RAPH1: variants seen among roughly 807,000 people sequenced by gnomAD.
RAPH1 encodes the protein ras-associated and pleckstrin homology domains-containing protein 1.
In RAPH1, 18 loss-of-function variants were observed where a neutral mutation model predicts 88.1. The ratio of observed to expected loss-of-function variants is 0.20; its 90% CI spans 0.14 to 0.30. The LOEUF (loss-of-function observed/expected upper bound fraction) is 0.30, where lower values mean the gene tolerates loss of function less well. RAPH1 is among the 10% of genes least tolerant of loss of function. The probability of loss-of-function intolerance (pLI) is 1.00; values close to 1 mark genes in which losing one functional copy is unlikely to be tolerated. For synonymous variants in RAPH1, 587 were observed against 559.0 expected (o/e 1.05, Z -0.71); for missense variants, 1,448 against 1,543.2 (o/e 0.94, Z 1.03).
At chr2:203,453,078 A>G (rs1416680603) in intron 10 of RAPH1, among the ~76,000 whole-genome samples, 2 of 152,248 alleles carry the variant, frequency 1.3e-5, no homozygotes, top group Admixed American at 1.3e-4. Flanking sequence ...TCTTAGCATT[A>G]TTAAATAATT....
chr2:203,492,253 A>T (rs1688301502), intron 2 of RAPH1, among the ~76,000 whole-genome samples: 1 of 151,910 alleles, frequency 6.6e-6, no homozygotes, highest in Admixed American at 6.6e-5. Context: ...AAAAAAAGAA[A>T]CCGCACAGAG....
intron 4 of RAPH1, among the ~76,000 whole-genome samples, chr2:203,477,355 AC>A (rs925204255): frequency 1.3e-4 from 20 of 152,332 alleles, no homozygotes; most frequent in African/African-American, 4.6e-4. Flanking sequence ...GATGATCCTA[AC>A]CCTTGATAAT....
At chr2:203,455,390 G>T (rs748394290) in intron 9 of RAPH1, 47 bp downstream of exon 9, 3 of 1,575,512 alleles carry the variant, frequency 1.9e-6, no homozygotes, top group South Asian at 2.4e-5. Flanking sequence ...CAAATTAAAA[G>T]CAATTAGCAT....
chr2:203,489,636 A>T lies in RAPH1; in HGVS notation c.680T>A (p.Val227Glu). ...SSMDSLDIDKVTRPQELDLTH... is the reference protein window; with the variant it reads ...SSMDSLDIDKETRPQELDLTH... ...CAAATCCAGCTCTTGAGGGCGTGTT[A>T]CTTTATCAATATCCAAAGAGTCCAT... is the stretch of plus-strand genomic sequence containing the variant. Residue 227 changes from valine to glutamate, a missense_variant, in exon 4 of 14, where the codon GTA becomes GAA. Transcript: ENST00000319170. 1 of 1,612,828 alleles carries T rather than the reference A, an allele frequency of 6.2e-7. No individual in the cohort carries two copies. Among genetic ancestry groups the T allele is most frequent in the Non-Finnish European group, 8.5e-7 (1 of 1,179,196 alleles).
rs568649211 is a variant in RAPH1, at chr2:203,438,240, T to TTTTTGTATTACATATTA, written c.*1196_*1197insTAATATGTAATACAAAA. Reference sequence around the variant, plus strand: ...CTTCCCTCTCCATGTAGTCCCATACTTAATGAGCTTTTTGTATTACATATT... The same window carrying TTTTTGTATTACATATTA: ...CTTCCCTCTCCATGTAGTCCCATACTTTTTGTATTACATATTATAATGAGCTTTTTGTATTACATATT... On this transcript the variant is annotated 3_prime_UTR_variant, in exon 14 of 14. Coordinates refer to ENST00000319170, the MANE Select transcript of RAPH1 (RefSeq NM_213589.3). 47 of 509,064 alleles carry TTTTTGTATTACATATTA rather than the reference T, an allele frequency of 9.2e-5. No individual in the cohort carries two copies. In the East Asian group the frequency reaches 2.4e-3, roughly 26 times the overall value. The allele number at this position is 509,064 out of a possible 1,614,324, so 31.5% of individuals were successfully genotyped here. A position where few individuals can be genotyped will look rare whatever the true frequency, so the allele number is the denominator to read the frequency against.
chr2:203,461,492 G>T, intron 5 of RAPH1, 84 bp from the exon 6 acceptor site: 2 of 1,022,700 alleles, frequency 2.0e-6, no homozygotes, highest in South Asian at 2.6e-5. Flanking sequence ...AATAAAATTT[G>T]GATTAATGTA....
intron 2 of RAPH1, 92 bp downstream of exon 2, chr2:203,495,142 A>G: frequency 3.5e-6 from 5 of 1,416,998 alleles, no homozygotes; most frequent in Non-Finnish European, 4.9e-6. Flanking sequence ...ATACTTTAAA[A>G]TTTAACTTAT....
intron 1 of RAPH1, among the ~76,000 whole-genome samples, chr2:203,513,771 G>A (rs1269485933): frequency 6.8e-6 from 1 of 147,064 alleles, no homozygotes; most frequent in African/African-American, 2.5e-5. Context: ...GGAGGTAGAG[G>A]TTGCAGTGAG....
chr2:203,512,440 A>C (rs78357035), intron 1 of RAPH1, among the ~76,000 whole-genome samples: 2,270 of 152,020 alleles, frequency 0.015, 20 homozygotes, highest in South Asian at 0.038. Context: ...TTCCACCAGG[A>C]GTAAGAAATC....
chr2:203,440,854 G>A lies in RAPH1; in HGVS notation c.2336C>T (p.Pro779Leu). ...TGCGGGGATGGTCACAAGGGGTTTT[G>A]GGGGAGCTTGGGGAGGGAGGGGTGC... is the stretch of plus-strand genomic sequence containing the variant. ...IPAPLPPQAPPKPLVTIPAPT... is the reference protein window; with the variant it reads ...IPAPLPPQAPLKPLVTIPAPT... The change falls in exon 14 of 14, where the codon CCA (proline) becomes CTA (leucine). Residue 779 changes from proline to leucine, a missense_variant. Coordinates refer to ENST00000319170, the MANE Select transcript of RAPH1 (RefSeq NM_213589.3). 6.5e-7 allele frequency: 1 copy of A among 1,542,850 alleles called. No homozygotes were observed. Among genetic ancestry groups the A allele is most frequent in the Non-Finnish European group, 8.8e-7 (1 of 1,137,758 alleles).
chr2:203,510,650 A>G (rs905912237), intron 1 of RAPH1, among the ~76,000 whole-genome samples: 9 of 152,182 alleles, frequency 5.9e-5, no homozygotes, highest in Non-Finnish European at 1.0e-4. Flanking sequence ...GTAGTTAGAT[A>G]TAAACCAATA....
chr2:203,516,752 G>A (rs1689626614), intron 1 of RAPH1, among the ~76,000 whole-genome samples: 1 of 151,676 alleles, frequency 6.6e-6, no homozygotes, highest in Admixed American at 6.6e-5. Flanking sequence ...AAAGAAAAAA[G>A]GCCAGGCGCA....
chr2:203,526,938 C>T (rs1362454070), intron 1 of RAPH1, among the ~76,000 whole-genome samples: 1 of 151,914 alleles, frequency 6.6e-6, no homozygotes, highest in Non-Finnish European at 1.5e-5. Context: ...CACATGCCAC[C>T]ACACCCAGCT....
chr2:203,528,964 T>G (rs2106001348), intron 1 of RAPH1, among the ~76,000 whole-genome samples: 1 of 144,706 alleles, frequency 6.9e-6, no homozygotes, highest in African/African-American at 2.5e-5. Context: ...TCAAGTCATA[T>G]TACTGGTTGT....
intron 6 of RAPH1, 28 bp downstream of exon 6, chr2:203,461,217 TAGAA>T (rs2098523975): frequency 5.6e-6 from 8 of 1,423,758 alleles, no homozygotes; most frequent in African/African-American, 1.4e-5. Flanking sequence ...ACACAAAAAT[TAGAA>T]AGCAATTAAA....
rs199919809 is a variant in RAPH1 at position 203,441,175 on chromosome 2, C to A, written c.2015G>T (p.Arg672Leu). 1 of 1,610,242 alleles carries A rather than the reference C, an allele frequency of 6.2e-7. No individual in the cohort carries two copies. Among genetic ancestry groups the A allele is most frequent in the East Asian group, 2.2e-5 (1 of 44,674 alleles). ...TGAATGCTGAGACGCATTCTGTAGC[C>A]GTGTTATTGTGCTGTACTTGACGAA... ...PMFVKYSTIT[R>L]LQNASQHSGA... Residue 672 changes from arginine to leucine, a missense_variant, in exon 14 of 14, where the codon CGG (arginine) becomes CTG (leucine). Around this residue, in one of 2 missense-constraint regions of RAPH1, gnomAD observed 935 missense variants for 890.1 expected, o/e 1.05. Transcript: ENST00000319170.
In RAPH1 at chr2:203,440,199, C is replaced by G; in HGVS notation, c.2991G>C (p.Val997=). Residue 997 remains valine (V), a synonymous_variant, in exon 14 of 14, where the codon GTG becomes GTC. Coordinates refer to ENST00000319170, the MANE Select transcript of RAPH1 (RefSeq NM_213589.3). ...AEHPEPKRPS[V]DSLVSKFTPP... ...GTGTAAACTTGCTGACTAGACTGTC[C>G]ACCGAGGGTCTCTTGGGCTCGGGGT... 6.2e-7 allele frequency: 1 copy of G among 1,613,846 alleles called. No homozygotes were observed. Among genetic ancestry groups the G allele is most frequent in the African/African-American group, 1.3e-5 (1 of 75,002 alleles).
chr2:203,494,682 G>A (rs528211700), intron 2 of RAPH1, among the ~76,000 whole-genome samples: 62 of 151,826 alleles, frequency 4.1e-4, no homozygotes, highest in Non-Finnish European at 6.2e-4. Flanking sequence ...GGTGGCGGGC[G>A]CCTGTAGTCC....
intron 1 of RAPH1, among the ~76,000 whole-genome samples, chr2:203,513,351 C>CTTTTTTT (rs35194583): frequency 3.5e-5 from 3 of 86,920 alleles, no homozygotes; most frequent in South Asian, 5.2e-4. Flanking sequence ...TTCTCTCAAT[C>CTTTTTTT]TTTTTTTTTT....
Sources: gnomAD v4.1 joint callset for allele counts (sites outside exome capture counted in the v4.1 genomes callset) on GRCh38, gnomAD v4.1.1 for gene constraint, gnomAD v4.1.1 regional missense constraint, MANE v1.5 for transcripts, NCBI Gene and HGNC (gene_info 2026-07-23, HGNC 2026-07-21) for gene names.